The following GALNT17 variants were observed in gnomAD, a reference collection of about 807,000 sequenced individuals.
GALNT17 encodes the protein UDP-GalNAc:polypeptide N-acetylgalactosaminyltransferase-like 3.
A neutral mutation model predicts 63.7 loss-of-function variants in GALNT17; 29 were observed. The observed-to-expected ratio is 0.46, with a 90% CI of 0.34 to 0.62. The LOEUF is 0.62. Ranked by LOEUF, GALNT17 falls within the 20% of genes least tolerant of loss-of-function variation. The pLI, the probability that GALNT17 is intolerant of heterozygous loss-of-function variation, is 0.01. For synonymous variants in GALNT17, 305 were observed against 318.3 expected, an observed-to-expected ratio of 0.96 and a Z score of 0.45; for missense variants, 603 against 799.6, an observed-to-expected ratio of 0.75 and a Z score of 2.97.
intron 1 of GALNT17, among the ~76,000 whole-genome samples, chr7:71,190,645 T>A (rs1281593234): frequency 6.6e-6 from 1 of 152,072 alleles, no homozygotes; most frequent in Non-Finnish European, 1.5e-5. Flanking sequence ...ATTAAAAAAT[T>A]TTTTGAGACG....
intron 1 of GALNT17, among the ~76,000 whole-genome samples, chr7:71,225,751 G>A (rs1789669063): frequency 6.6e-6 from 1 of 152,120 alleles, no homozygotes; most frequent in African/African-American, 2.4e-5. Flanking sequence ...TCATTCCCCG[G>A]GAAAATTGGG....
intron 1 of GALNT17, among the ~76,000 whole-genome samples, chr7:71,231,759 A>AGG (rs1789793686): frequency 6.6e-6 from 1 of 150,448 alleles, no homozygotes; most frequent in African/African-American, 2.5e-5. Flanking sequence ...GGAGAGAGAG[A>AGG]GAGAGGGAGA....
intron 5 of GALNT17, among the ~76,000 whole-genome samples, chr7:71,489,253 C>G (rs1404366906): frequency 6.6e-6 from 1 of 152,132 alleles, no homozygotes; most frequent in African/African-American, 2.4e-5. Context: ...AGGGGCCACA[C>G]TCTAAGAACC....
chr7:71,582,183 C>T (rs1789645099), intron 6 of GALNT17, among the ~76,000 whole-genome samples: 1 of 152,024 alleles, frequency 6.6e-6, no homozygotes, highest in Non-Finnish European at 1.5e-5. Context: ...AGTCATTTTA[C>T]AAAAAAGATA....
intron 2 of GALNT17, among the ~76,000 whole-genome samples, chr7:71,339,978 A>G (rs1404882310): frequency 1.3e-5 from 2 of 152,314 alleles, no homozygotes; most frequent in Admixed American, 6.5e-5. Context: ...GACATGTACA[A>G]AATTTTGGAA....
chr7:71,431,631 A>G (rs1453171702), intron 5 of GALNT17, among the ~76,000 whole-genome samples: 1 of 152,144 alleles, frequency 6.6e-6, no homozygotes, highest in African/African-American at 2.4e-5. Context: ...TCAGGCCCAG[A>G]GTCTGTGTTC....
intron 9 of GALNT17, among the ~76,000 whole-genome samples, chr7:71,690,920 C>A (rs966484492): frequency 1.3e-5 from 2 of 152,118 alleles, no homozygotes; most frequent in Non-Finnish European, 2.9e-5. Flanking sequence ...GGAATCTACT[C>A]CTGATGGGGA....
At chr7:71,709,711 G>T (rs971642368) in intron 9 of GALNT17, among the ~76,000 whole-genome samples, 2 of 151,946 alleles carry the variant, frequency 1.3e-5, no homozygotes, top group Admixed American at 1.3e-4. Context: ...CAATTCTCCT[G>T]CCTCAGCCTC....
chr7:71,308,581 G>C (rs1791352230), intron 1 of GALNT17, among the ~76,000 whole-genome samples: 1 of 152,030 alleles, frequency 6.6e-6, no homozygotes. Flanking sequence ...CCCCTGGCTA[G>C]ATCAAGAGCC....
intron 9 of GALNT17, among the ~76,000 whole-genome samples, chr7:71,687,506 G>C (rs1340610545): frequency 6.6e-6 from 1 of 152,132 alleles, no homozygotes; most frequent in East Asian, 1.9e-4. Flanking sequence ...CGCAGCCTTT[G>C]AGAACACATT....
chr7:71,501,161 G>A lies in GALNT17; in HGVS notation c.963-70124G>A, dbSNP rs540148390. Among the ~76,000 whole-genome samples the A allele has an allele frequency of 8.7e-4, 133 of 152,134 alleles. 1 individual carries two copies. The highest frequency in any genetic ancestry group is 3.5e-4 in the Non-Finnish European group (24 of 68,016). On this transcript the variant is annotated intron_variant, in intron 5 of 10. Coordinates refer to ENST00000333538, the MANE Select transcript of GALNT17 (RefSeq NM_022479.3). ...TTTTTGTATTTTTAGTAGAGGCAGG[G>A]TTTTCTCATGTTGGCCAGGCTGGTC... is the stretch of plus-strand genomic sequence containing the variant.
intron 1 of GALNT17, among the ~76,000 whole-genome samples, chr7:71,194,171 G>C (rs535365099): frequency 6.6e-6 from 1 of 152,160 alleles, no homozygotes; most frequent in African/African-American, 2.4e-5. Flanking sequence ...TCAGCCTCCT[G>C]AGTAGCTGGG....
At chr7:71,479,161 G>A (rs2116636174) in intron 5 of GALNT17, among the ~76,000 whole-genome samples, 1 of 152,162 alleles carries the variant, frequency 6.6e-6, no homozygotes, top group African/African-American at 2.4e-5. Context: ...CCTTTAAATA[G>A]ACCAGAAATT....
chr7:71,347,661 G>A (rs1583879009), intron 2 of GALNT17, among the ~76,000 whole-genome samples: 1 of 152,240 alleles, frequency 6.6e-6, no homozygotes, highest in Admixed American at 6.5e-5. Flanking sequence ...GGTCCAGCCT[G>A]AGACAGATGC....
At chr7:71,438,905 G>C (rs1787016532) in intron 5 of GALNT17, among the ~76,000 whole-genome samples, 1 of 146,546 alleles carries the variant, frequency 6.8e-6, no homozygotes, top group African/African-American at 2.6e-5. Context: ...TTTTTTTGGA[G>C]ACAAGGTCTT....
At chr7:71,692,600 T>A (rs1791471294) in intron 9 of GALNT17, among the ~76,000 whole-genome samples, 1 of 152,136 alleles carries the variant, frequency 6.6e-6, no homozygotes, top group Non-Finnish European at 1.5e-5. Context: ...ATCTGTTGAA[T>A]GATTATTTTC....
intron 1 of GALNT17, among the ~76,000 whole-genome samples, chr7:71,143,435 G>A (rs1009933715): frequency 1.3e-4 from 19 of 149,114 alleles, no homozygotes; most frequent in African/African-American, 4.2e-4. Flanking sequence ...AGAAAGAAAA[G>A]AAATGGATGC....
chr7:71,278,736 C>T (rs1790726413), intron 1 of GALNT17, among the ~76,000 whole-genome samples: 1 of 152,070 alleles, frequency 6.6e-6, no homozygotes, highest in Non-Finnish European at 1.5e-5. Context: ...CCATAGATCT[C>T]ATGAGAACTC....
chr7:71,568,130 T>G (rs981138134), intron 5 of GALNT17, among the ~76,000 whole-genome samples: 1 of 152,228 alleles, frequency 6.6e-6, no homozygotes, highest in Admixed American at 6.5e-5. Flanking sequence ...ACGGTGTTTC[T>G]GGCCTTTGGC....
Sources: allele counts gnomAD v4.1 joint callset (sites outside exome capture counted in the v4.1 genomes callset), GRCh38; gene constraint gnomAD v4.1.1; transcripts MANE v1.5; gene names NCBI Gene and HGNC (gene_info 2026-07-23, HGNC 2026-07-21).